Variants in CDK5RAP2 observed in about 807,000 individuals in gnomAD.
CDK5RAP2 encodes the protein CDK5 regulatory subunit-associated protein 2.
In CDK5RAP2, 147 loss-of-function variants were observed where a neutral mutation model predicts 232.9. The observed-to-expected ratio is 0.63, with a 90% CI of 0.55 to 0.72. CDK5RAP2 has a LOEUF of 0.72. Ranked by LOEUF, CDK5RAP2 falls within the 30% of genes least tolerant of loss-of-function variation. The probability of loss-of-function intolerance (pLI) is 0.00; values close to 1 mark genes in which losing one functional copy is unlikely to be tolerated. For synonymous variants in CDK5RAP2, 833 were observed against 833.7 expected (o/e 1.00, Z 0.01); for missense variants, 2,195 against 2,231.5 (o/e 0.98, Z 0.33).
intron 25 of CDK5RAP2, among the ~76,000 whole-genome samples, chr9:120,433,137 T>C (rs899256953): frequency 6.6e-6 from 1 of 152,176 alleles, no homozygotes; most frequent in Non-Finnish European, 1.5e-5. Context: ...ATGGGTAAAC[T>C]ATCCCATGTT....
intron 18 of CDK5RAP2, among the ~76,000 whole-genome samples, chr9:120,466,986 T>C (rs1397698991): frequency 6.6e-6 from 1 of 152,212 alleles, no homozygotes; most frequent in East Asian, 1.9e-4. Flanking sequence ...AGTTCTGGTC[T>C]TCCGAAACAA....
intron 14 of CDK5RAP2, among the ~76,000 whole-genome samples, chr9:120,484,973 C>G (rs540561284): frequency 1.1e-4 from 16 of 151,860 alleles, no homozygotes; most frequent in Admixed American, 7.9e-4. Context: ...ATCCTCCTGT[C>G]TCAGCCTCCC....
chr9:120,543,996 C>G (rs533668104), intron 5 of CDK5RAP2, among the ~76,000 whole-genome samples: 1 of 152,302 alleles, frequency 6.6e-6, no homozygotes, highest in South Asian at 2.1e-4. Context: ...AGAATGTGAG[C>G]CTCATACATC....
At chr9:120,561,092 C>A (rs1262879244) in intron 3 of CDK5RAP2, among the ~76,000 whole-genome samples, 1 of 151,988 alleles carries the variant, frequency 6.6e-6, no homozygotes, top group African/African-American at 2.4e-5. Context: ...CCTAGCATAA[C>A]AAAAACCATG....
intron 28 of CDK5RAP2, among the ~76,000 whole-genome samples, chr9:120,412,939 CAG>C (rs1189534153): frequency 6.6e-6 from 1 of 152,206 alleles, no homozygotes; most frequent in African/African-American, 2.4e-5. Flanking sequence ...GGTATCTTTT[CAG>C]AGACACCTGG....
At chr9:120,395,551 G>T (rs1325847037) in intron 35 of CDK5RAP2, among the ~76,000 whole-genome samples, 1 of 152,206 alleles carries the variant, frequency 6.6e-6, no homozygotes, top group Admixed American at 6.5e-5. Flanking sequence ...CCAGGGGGAA[G>T]GACACTCCCT....
intron 21 of CDK5RAP2, among the ~76,000 whole-genome samples, chr9:120,452,272 G>T (rs1416229572): frequency 1.5e-5 from 2 of 136,762 alleles, no homozygotes; most frequent in African/African-American, 6.5e-5. Flanking sequence ...CTCTCTCTCT[G>T]GTCTCTACTG....
intron 31 of CDK5RAP2, 87 bp downstream of exon 31, chr9:120,408,260 G>T: frequency 6.6e-7 from 1 of 1,521,300 alleles, no homozygotes; most frequent in Non-Finnish European, 9.1e-7. Context: ...AGAGGGCTGA[G>T]CTCTGCCCTC....
intron 25 of CDK5RAP2, among the ~76,000 whole-genome samples, chr9:120,434,430 A>G (rs1281711414): frequency 6.6e-6 from 1 of 152,088 alleles, no homozygotes; most frequent in Non-Finnish European, 1.5e-5. Flanking sequence ...CACTGAATGA[A>G]AAGGAAAGGC....
At chr9:120,499,399 A>T (rs1039016551) in intron 12 of CDK5RAP2, among the ~76,000 whole-genome samples, 1 of 151,694 alleles carries the variant, frequency 6.6e-6, no homozygotes, top group Non-Finnish European at 1.5e-5. Context: ...TTTTTTTTTT[A>T]AAGGTACTTA....
intron 9 of CDK5RAP2, among the ~76,000 whole-genome samples, chr9:120,528,155 C>T (rs1285100813): frequency 6.6e-6 from 1 of 152,124 alleles, no homozygotes; most frequent in African/African-American, 2.4e-5. Flanking sequence ...TCAGTTGAGA[C>T]GATGACAGCT....
chr9:120,559,790 TA>T (rs2042396859), intron 3 of CDK5RAP2, among the ~76,000 whole-genome samples: 1 of 152,130 alleles, frequency 6.6e-6, no homozygotes, highest in Non-Finnish European at 1.5e-5. Context: ...TCAACATGAC[TA>T]CAGGGTGGTG....
At chr9:120,558,207 C>T (rs181749713) in intron 3 of CDK5RAP2, among the ~76,000 whole-genome samples, 2,993 of 148,258 alleles carry the variant, frequency 0.02, 46 homozygotes, top group Non-Finnish European at 0.032. Flanking sequence ...ACCCTGTCTC[C>T]ATTAAAAATA....
chr9:120,555,435 G>A (rs1250601378), intron 3 of CDK5RAP2, among the ~76,000 whole-genome samples: 1 of 152,074 alleles, frequency 6.6e-6, no homozygotes, highest in Non-Finnish European at 1.5e-5. Flanking sequence ...ACCCTGCCTG[G>A]CCCGGCAGAT....
chr9:120,423,645 C>T (rs2034704049), intron 25 of CDK5RAP2, among the ~76,000 whole-genome samples: 1 of 152,148 alleles, frequency 6.6e-6, no homozygotes, highest in Non-Finnish European at 1.5e-5. Flanking sequence ...TACTTCAGAA[C>T]CCTGGAAATT....
At chr9:120,404,137 C>G (rs757178830) in intron 32 of CDK5RAP2, 24 bp from the exon 33 acceptor site, 1 of 1,460,424 alleles carries the variant, frequency 6.8e-7, no homozygotes, top group Non-Finnish European at 9.6e-7. Context: ...AACACGAGAA[C>G]TGTTAGTTTC....
At chr9:120,498,295 T>C (rs919518517) in intron 12 of CDK5RAP2, among the ~76,000 whole-genome samples, 1 of 152,164 alleles carries the variant, frequency 6.6e-6, no homozygotes, top group Non-Finnish European at 1.5e-5. Context: ...TCCGACGGAC[T>C]TCATTGCCCC....
At chr9:120,475,698 C>T (rs2037969640) in intron 15 of CDK5RAP2, among the ~76,000 whole-genome samples, 2 of 152,176 alleles carry the variant, frequency 1.3e-5, no homozygotes, top group African/African-American at 4.8e-5. Flanking sequence ...AGAATTTCAG[C>T]AGCATGTTTT....
At position 120,539,086 on chromosome 9, in the gene CDK5RAP2, C is replaced by T. The variant is rs778446921; in HGVS notation, c.462G>A (p.Gln154=). The change falls in exon 6 of 38, where the codon CAG becomes CAA. Residue 154 remains glutamine (Q), a synonymous_variant. Coordinates refer to ENST00000349780, the MANE Select transcript of CDK5RAP2 (RefSeq NM_018249.6). ...RVKEDARKKV[Q]QVEDLLTKRI... is the part of the protein sequence containing the mutation. ...TTTTAGTTAGGAGATCTTCCACCTG[C>T]TGCACCTTCTTTCGAGCATCTTCTT... 1.2e-5 allele frequency: 20 copies of T among 1,613,992 alleles called. No individual in the cohort carries two copies. The highest frequency in any genetic ancestry group is 1.7e-5 in the Admixed American group (1 of 60,022).
Sources: gnomAD v4.1 joint callset for allele counts (sites outside exome capture counted in the v4.1 genomes callset) on GRCh38, gnomAD v4.1.1 for gene constraint, MANE v1.5 for transcripts, NCBI Gene and HGNC (gene_info 2026-07-23, HGNC 2026-07-21) for gene names.